The following NR2C1 variants were observed in gnomAD, a reference collection of about 807,000 sequenced individuals.
NR2C1 encodes the protein TR2 nuclear hormone receptor.
NR2C1 carries 33 observed loss-of-function variants against 74.8 expected under a neutral mutation model. That is an observed-to-expected ratio of 0.44 (90% CI 0.33 to 0.59). The LOEUF (loss-of-function observed/expected upper bound fraction) is 0.59. Ranked by LOEUF, NR2C1 falls within the 20% of genes least tolerant of loss-of-function variation. NR2C1 has a pLI of 0.02. For missense variants in NR2C1, 568 were observed against 715.6 expected (o/e 0.79, Z 2.35); for synonymous variants, 225 against 240.6 (o/e 0.94, Z 0.60).
At chr12:95,060,309 A>G (rs1484078241) in intron 3 of NR2C1, among the ~76,000 whole-genome samples, 1 of 152,234 alleles carries the variant, frequency 6.6e-6, no homozygotes, top group East Asian at 1.9e-4. Context: ...AAAGCTCATC[A>G]CTAGGCACAG....
chr12:95,057,733 T>G lies in NR2C1; in HGVS notation c.690A>C (p.Thr230=). Residue 230 remains threonine (T), a splice_region_variant and synonymous_variant, in exon 6 of 14, where the codon ACA becomes ACC. Coordinates refer to ENST00000333003, the MANE Select transcript of NR2C1 (RefSeq NM_003297.4). The part of the protein sequence containing the change: ...TPTFVTDSES[T]RSTGLLDSGM... ...ACTCAGTGTCTGTTTTACTTTACCT[T>G]GTACTTTCACTATCTGTTACAAAAG... The G allele has an allele frequency of 6.2e-7, 1 of 1,613,970 alleles. No individual in the cohort carries two copies. The highest frequency in any genetic ancestry group is 8.5e-7 in the Non-Finnish European group (1 of 1,179,946).
chr12:95,026,429 GA>G (rs936388573), intron 12 of NR2C1, among the ~76,000 whole-genome samples: 1 of 151,952 alleles, frequency 6.6e-6, no homozygotes, highest in African/African-American at 2.4e-5. Flanking sequence ...AATATTAAAA[GA>G]ACTTCATAAA....
chr12:95,049,270 A>G, intron 8 of NR2C1, 37 bp from the exon 9 acceptor site: 3 of 1,574,760 alleles, frequency 1.9e-6, no homozygotes, highest in Non-Finnish European at 2.6e-6. Flanking sequence ...GCTTGACCAA[A>G]CACCGCAATA....
intron 10 of NR2C1, among the ~76,000 whole-genome samples, chr12:95,032,136 G>A (rs1448050185): frequency 6.6e-6 from 1 of 152,204 alleles, no homozygotes; most frequent in East Asian, 1.9e-4. Flanking sequence ...CCAAAGTGTT[G>A]GGATTACAGG....
intron 10 of NR2C1, among the ~76,000 whole-genome samples, chr12:95,038,771 A>C (rs940324526): frequency 6.6e-6 from 1 of 152,098 alleles, no homozygotes; most frequent in Non-Finnish European, 1.5e-5. Flanking sequence ...TAATAGACTA[A>C]TTGTTCTCCA....
At chr12:95,068,821 G>A (rs1876137809) in intron 1 of NR2C1, among the ~76,000 whole-genome samples, 1 of 151,604 alleles carries the variant, frequency 6.6e-6, no homozygotes, top group Non-Finnish European at 1.5e-5. Context: ...AAATTAGCCA[G>A]GCATGGTGGC....
In NR2C1 at chr12:95,028,404, ATTGCCTTCAGG is replaced by A. The variant is rs774514012; in HGVS notation, c.1503_1513del (p.Leu502SerfsTer38). The A allele has an allele frequency of 6.2e-7, 1 of 1,610,148 alleles. No homozygotes were observed. The highest frequency in any genetic ancestry group is 1.1e-5 in the South Asian group (1 of 90,586). ...TTATATACCTGGACTGAAGAGTACT[ATTGCCTTCAGG>A]TAGGCATATTCGTATCCATCAATGC... On this transcript the variant is annotated frameshift_variant, in exon 12 of 14. Coordinates refer to ENST00000333003, the MANE Select transcript of NR2C1 (RefSeq NM_003297.4). LOFTEE classifies it high-confidence loss of function.
At chr12:95,034,176 T>C (rs1186077939) in intron 10 of NR2C1, among the ~76,000 whole-genome samples, 2 of 152,304 alleles carry the variant, frequency 1.3e-5, no homozygotes, top group East Asian at 3.9e-4. Context: ...GTCAACTCAG[T>C]CACAGCAAGT....
chr12:95,048,622 G>GCTTTTTTTTTTTTTTTTTTTTTT (rs1432439180), intron 9 of NR2C1, among the ~76,000 whole-genome samples: 1 of 130,526 alleles, frequency 7.7e-6, no homozygotes. Flanking sequence ...ATGCAGATGA[G>GCTTTTTTTTTTTTTTTTTTTTTT]TTTTTTTTTT....
In NR2C1 at chr12:95,067,363, C is replaced by T. The variant is rs769594710; in HGVS notation, c.22G>A (p.Ala8Thr). The change falls in exon 2 of 14, where the codon GCA becomes ACA. Residue 8 changes from alanine (A) to threonine (T), a missense_variant. Coordinates refer to ENST00000333003, the MANE Select transcript of NR2C1 (RefSeq NM_003297.4). The part of the protein sequence containing the change: MATIEEI[A>T]HQIIEQQMGE... ...ATCTGTTGTTCAATAATTTGATGTG[C>T]AATTTCTTCTATGGTTGCCATGATC... The T allele has an allele frequency of 3.7e-6, 6 of 1,613,716 alleles. No individual in the cohort carries two copies. Among genetic ancestry groups the T allele is most frequent in the Non-Finnish European group, 5.1e-6 (6 of 1,179,728 alleles).
chr12:95,032,835 G>A (rs1463157686), intron 10 of NR2C1, among the ~76,000 whole-genome samples: 2 of 152,080 alleles, frequency 1.3e-5, no homozygotes, highest in African/African-American at 4.8e-5. Flanking sequence ...GGGTGTGGAG[G>A]TGCACACCTA....
intron 2 of NR2C1, 52 bp from the exon 3 acceptor site, chr12:95,062,790 GAC>G (rs1162063032): frequency 7.3e-7 from 1 of 1,364,582 alleles, no homozygotes; most frequent in Non-Finnish European, 1.0e-6. Flanking sequence ...TTTCTTTAAT[GAC>G]ACAATTATCT....
intron 12 of NR2C1, among the ~76,000 whole-genome samples, chr12:95,027,666 G>A (rs1034406053): frequency 6.6e-6 from 1 of 152,082 alleles, no homozygotes; most frequent in Non-Finnish European, 1.5e-5. Flanking sequence ...AACACAGGAG[G>A]CGGAGGTTGC....
At chr12:95,037,341 A>G (rs1190906908) in intron 10 of NR2C1, among the ~76,000 whole-genome samples, 1 of 152,234 alleles carries the variant, frequency 6.6e-6, no homozygotes, top group Non-Finnish European at 1.5e-5. Context: ...CAGAAAATCA[A>G]TACCTTTGTA....
chr12:95,030,239 G>A lies in NR2C1; in HGVS notation c.1393+1110C>T, dbSNP rs146463757. ...GTAAAGATAACCATCTGAAACACTA[G>A]ACAACTAAAAGTACATAAGACTCAA... On this transcript the variant is annotated intron_variant, in intron 11 of 13. Transcript: ENST00000333003. 7.2e-3 allele frequency among the ~76,000 whole-genome samples: 1,096 copies of A among 152,214 alleles called. 12 individuals carry two copies. The highest frequency in any genetic ancestry group is 0.024 in the African/African-American group (980 of 41,520).
In NR2C1 at chr12:95,035,308, C is replaced by T. The variant is rs1244252184; in HGVS notation, c.1254-3820G>A. Among the ~76,000 whole-genome samples the T allele has an allele frequency of 3.3e-5, 5 of 151,994 alleles. No homozygotes were observed. The East Asian group carries it at 9.6e-4, about 29-fold the overall frequency. On this transcript the variant is annotated intron_variant, in intron 10 of 13. Coordinates refer to ENST00000333003, the MANE Select transcript of NR2C1 (RefSeq NM_003297.4). ...TGAGGTTTTACTTTATAATCCTATA[C>T]TTCAATATTACTTTAAACATTAAAA...
chr12:95,056,314 A>C (rs1197963960), intron 7 of NR2C1, among the ~76,000 whole-genome samples: 1 of 152,192 alleles, frequency 6.6e-6, no homozygotes, highest in Non-Finnish European at 1.5e-5. Flanking sequence ...AGGCTTCCTA[A>C]AATCTGTTTT....
At chr12:95,072,665 C>T (rs1876880855) in intron 1 of NR2C1, 1 of 152,180 alleles carries the variant, frequency 6.6e-6, no homozygotes, top group Non-Finnish European at 1.5e-5. Flanking sequence ...AACCTGGCAA[C>T]ATTCGTACTG....
At chr12:95,036,567 G>C (rs1341059278) in intron 10 of NR2C1, among the ~76,000 whole-genome samples, 1 of 149,836 alleles carries the variant, frequency 6.7e-6, no homozygotes, top group African/African-American at 2.5e-5. Flanking sequence ...CTGGAGTACA[G>C]TGGCATGATC....
Sources: allele counts gnomAD v4.1 joint callset (sites outside exome capture counted in the v4.1 genomes callset), GRCh38; gene constraint gnomAD v4.1.1; transcripts MANE v1.5; gene names NCBI Gene and HGNC (gene_info 2026-07-23, HGNC 2026-07-21).